The following ZSCAN5A variants were observed in gnomAD, a reference collection of about 807,000 sequenced individuals.
The protein encoded by ZSCAN5A is zinc finger and SCAN domain-containing protein 5A.
In ZSCAN5A, 12 loss-of-function variants were observed where a neutral mutation model predicts 23.7. The observed-to-expected ratio is 0.51, with a 90% CI of 0.32 to 0.82. The LOEUF is 0.82. ZSCAN5A is among the 40% of genes least tolerant of loss of function. The pLI is 0.03. For synonymous variants in ZSCAN5A, 257 were observed against 239.9 expected (o/e 1.07, Z -0.66); for missense variants, 597 against 617.9 (o/e 0.97, Z 0.36).
chr19:56,303,897 G>C (rs1357192897), intron 2 of ZSCAN5A, among the ~76,000 whole-genome samples: 1 of 152,170 alleles, frequency 6.6e-6, no homozygotes, highest in African/African-American at 2.4e-5. Context: ...AGCAAAGCAG[G>C]CATGCACAGC....
chr19:56,353,203 C>T (rs904076260), intron 2 of ZSCAN5A, among the ~76,000 whole-genome samples: 1 of 152,096 alleles, frequency 6.6e-6, no homozygotes, highest in African/African-American at 2.4e-5. Context: ...AGGCAGAGAT[C>T]GCTGGTGGAG....
chr19:56,341,747 AT>A (rs1204410983), intron 2 of ZSCAN5A, among the ~76,000 whole-genome samples: 24 of 150,528 alleles, frequency 1.6e-4, no homozygotes, highest in Admixed American at 3.3e-4. Flanking sequence ...AGTGCACAGA[AT>A]ATTATGTTCA....
At chr19:56,264,449 A>G (rs1300740197) in intron 2 of ZSCAN5A, among the ~76,000 whole-genome samples, 1 of 152,210 alleles carries the variant, frequency 6.6e-6, no homozygotes, top group Non-Finnish European at 1.5e-5. Flanking sequence ...TCTTCCAGGA[A>G]TGATGCAGTA....
chr19:56,233,356 T>C (rs1025467320), intron 2 of ZSCAN5A, among the ~76,000 whole-genome samples: 9 of 152,226 alleles, frequency 5.9e-5, no homozygotes, highest in Admixed American at 5.9e-4. Context: ...CCACGTTTTG[T>C]CTTTGAAATG....
chr19:56,344,909 CAAAAAAAAAAA>C (rs1019131536), intron 2 of ZSCAN5A, among the ~76,000 whole-genome samples: 10 of 19,048 alleles, frequency 5.2e-4, no homozygotes, highest in Non-Finnish European at 8.5e-4. Flanking sequence ...GACTCCGTCT[CAAAAAAAAAAA>C]AAAAAAAAAA....
At chr19:56,284,505 T>G (rs11672220) in intron 2 of ZSCAN5A, among the ~76,000 whole-genome samples, 56,851 of 140,304 alleles carry the variant, frequency 0.41, 12,981 homozygotes, top group Non-Finnish European at 0.53. Context: ...CAAGTGATGC[T>G]TGCTGTAATT....
intron 2 of ZSCAN5A, chr19:56,285,119 T>A: frequency 1.9e-6 from 1 of 525,582 alleles, no homozygotes; most frequent in Non-Finnish European, 2.4e-6. Context: ...AGGTAGAGTC[T>A]AAAGAACACT....
At chr19:56,225,743 A>G (rs1262869313) in intron 2 of ZSCAN5A, among the ~76,000 whole-genome samples, 1 of 152,124 alleles carries the variant, frequency 6.6e-6, no homozygotes, top group Non-Finnish European at 1.5e-5. Context: ...CAAGTTCACG[A>G]TTTTATGGGA....
rs1251988547 is a variant in ZSCAN5A at position 56,223,638 on chromosome 19, C to T, written c.581G>A (p.Arg194Lys). 1 of 1,613,710 alleles carries T rather than the reference C, an allele frequency of 6.2e-7. No homozygotes were observed. ...AAGGCCTCACACACTCACCTGCCTC[C>T]TGGACAATGCAGGGACCCTGGGCAG... ...QILPRVPALS[R>K]RQGEDFLLHK... The change falls in exon 4 of 6, where the codon AGG becomes AAG. Residue 194 changes from arginine (R) to lysine (K), a missense_variant. Physicochemically the swap from Arg to Lys is conservative, Grantham distance 26. This residue lies in a region of ZSCAN5A where 406 missense variants were observed against 353.2 expected (regional missense o/e 1.15). Coordinates refer to ENST00000683990, the MANE Select transcript of ZSCAN5A (RefSeq NM_001322064.3).
chr19:56,321,348 A>C, intron 2 of ZSCAN5A: 1 of 642,722 alleles, frequency 1.6e-6, no homozygotes, highest in Non-Finnish European at 2.9e-6. Context: ...TGTAATAACC[A>C]GGCATCACAA....
chr19:56,305,096 C>T (rs994347001), intron 2 of ZSCAN5A, among the ~76,000 whole-genome samples: 1 of 152,172 alleles, frequency 6.6e-6, no homozygotes, highest in Non-Finnish European at 1.5e-5. Flanking sequence ...AATTTTTTCA[C>T]AAGTCTTAGG....
chr19:56,320,681 G>T, intron 2 of ZSCAN5A: 1 of 790,130 alleles, frequency 1.3e-6, no homozygotes, highest in South Asian at 1.3e-5. Context: ...GGTGGTGCAG[G>T]AATACTCCTT....
chr19:56,350,763 C>A (rs1330480564), intron 2 of ZSCAN5A, among the ~76,000 whole-genome samples: 1 of 151,964 alleles, frequency 6.6e-6, no homozygotes, highest in Non-Finnish European at 1.5e-5. Flanking sequence ...ATAATTGTAT[C>A]CTAACCCTAC....
At chr19:56,245,325 G>A in intron 2 of ZSCAN5A, 1 of 747,552 alleles carries the variant, frequency 1.3e-6, no homozygotes, top group South Asian at 1.4e-5. Context: ...GGCGTGTCCA[G>A]CCAGCGGGCC....
chr19:56,224,846 C>T lies in ZSCAN5A; in HGVS notation c.201G>A (p.Glu67=). 1.2e-6 allele frequency: 2 copies of T among 1,613,540 alleles called. No individual in the cohort carries two copies. The highest frequency in any genetic ancestry group is 2.2e-5 in the East Asian group (1 of 44,890). The part of the protein sequence containing the change: ...DPIQALRKLT[E]LCHLWLRPDL... ...CGGGCCTCAGCCACAGATGGCACAGCTCAGTGAGTTTCCTCAGAGCCTGGA... is the reference window on the plus strand; with the variant it reads ...CGGGCCTCAGCCACAGATGGCACAGTTCAGTGAGTTTCCTCAGAGCCTGGA... Residue 67 remains glutamate, a synonymous_variant, in exon 3 of 6, where the codon GAG becomes GAA. Transcript: ENST00000683990.
chr19:56,275,629 T>C (rs1422878399), intron 2 of ZSCAN5A, among the ~76,000 whole-genome samples: 2 of 152,106 alleles, frequency 1.3e-5, no homozygotes, highest in Admixed American at 1.3e-4. Context: ...TGGATAGGAG[T>C]GTGATGACCA....
In ZSCAN5A at chr19:56,320,287, G is replaced by A. The variant is rs117623251; in HGVS notation, c.-357-4019C>T. On this transcript the variant is annotated intron_variant, in intron 2 of 6. Transcript: ENST00000587340. ...GCCCGGACATTTAGAAAGGCCAGGC[G>A]AGGCTGAGGCAGGCAGATCACCTGA... The A allele has an allele frequency of 2.4e-3, 1,054 of 437,562 alleles. 14 individuals are homozygous for A. In the East Asian group the frequency reaches 0.029, roughly 12 times the overall value. 27.1% of individuals were successfully genotyped at this position (437,562 alleles called of 1,614,324 possible). A position where few individuals can be genotyped will look rare whatever the true frequency, so the allele number is the denominator to read the frequency against.
chr19:56,288,130 T>C lies in ZSCAN5A; in HGVS notation c.-128+25153A>G, dbSNP rs2039262536. Among the ~76,000 whole-genome samples the C allele has an allele frequency of 2.6e-5, 4 of 152,178 alleles. No homozygotes were observed. The South Asian group carries it at 8.3e-4, about 31-fold the overall frequency. ...GCCCAAATGGGTCCATGGTGTCCGCTGTTCTTAGGATGAAGGCTGAGGCCC... is the reference window on the plus strand; with the variant it reads ...GCCCAAATGGGTCCATGGTGTCCGCCGTTCTTAGGATGAAGGCTGAGGCCC... On this transcript the variant is annotated intron_variant, in intron 2 of 5. Coordinates refer to ENST00000683990, the MANE Select transcript of ZSCAN5A (RefSeq NM_001322064.3).
At chr19:56,272,768 C>A in intron 2 of ZSCAN5A, 1 of 612,552 alleles carries the variant, frequency 1.6e-6, no homozygotes, top group Non-Finnish European at 2.0e-6. Flanking sequence ...CCTGGGAAGA[C>A]GGTGGGTGAC....
Sources: gnomAD v4.1 joint callset for allele counts (sites outside exome capture counted in the v4.1 genomes callset) on GRCh38, gnomAD v4.1.1 for gene constraint, gnomAD v4.1.1 regional missense constraint, MANE v1.5 for transcripts, NCBI Gene and HGNC (gene_info 2026-07-23, HGNC 2026-07-21) for gene names.